Variants in C12orf42 observed in about 807,000 individuals in gnomAD.
C12orf42 encodes uncharacterized protein C12orf42.
In C12orf42, 25 loss-of-function variants were observed where a neutral mutation model predicts 21.6. The ratio of observed to expected loss-of-function variants is 1.16; its 90% CI spans 0.84 to 1.62. The LOEUF is 1.62. C12orf42 is among the 40% of genes most tolerant of loss of function. C12orf42 has a pLI of 0.00. For synonymous variants in C12orf42, 174 were observed against 175.0 expected (o/e 0.99, Z 0.05); for missense variants, 483 against 459.3 (o/e 1.05, Z -0.47).
intron 2 of C12orf42, among the ~76,000 whole-genome samples, chr12:103,411,718 C>T (rs868434552): frequency 1.1e-4 from 16 of 152,280 alleles, no homozygotes; most frequent in Middle Eastern, 3.4e-3. Context: ...TCTATTTGTG[C>T]GTTGATCTTG....
At chr12:103,317,076 C>T (rs1229462773) in intron 4 of C12orf42, among the ~76,000 whole-genome samples, 1 of 152,160 alleles carries the variant, frequency 6.6e-6, no homozygotes, top group Non-Finnish European at 1.5e-5. Context: ...AATACCAGTG[C>T]CCCAAAATTG....
At chr12:103,524,508 G>T in the C12orf42 span, among the ~76,000 whole-genome samples, 3 of 152,156 alleles carry the variant, frequency 2.0e-5, no homozygotes, top group African/African-American at 7.2e-5. Context: ...GCTAAACCCT[G>T]GGCAAGTCCT....
chr12:103,251,570 T>C (rs1365141595), intron 10 of C12orf42, among the ~76,000 whole-genome samples: 1 of 152,150 alleles, frequency 6.6e-6, no homozygotes, highest in Non-Finnish European at 1.5e-5. Flanking sequence ...ATACGTTCTG[T>C]AGAAAGGACA....
chr12:103,150,318 C>A, the C12orf42 span, among the ~76,000 whole-genome samples: 1 of 152,144 alleles, frequency 6.6e-6, no homozygotes, highest in South Asian at 2.1e-4. Flanking sequence ...GCAGAAACAG[C>A]TATGTGTAAG....
intron 2 of C12orf42, among the ~76,000 whole-genome samples, chr12:103,426,560 T>G (rs1202086770): frequency 6.6e-6 from 1 of 152,138 alleles, no homozygotes; most frequent in Non-Finnish European, 1.5e-5. Flanking sequence ...CCAGAAGAAC[T>G]TCCCCAACCT....
chr12:103,116,976 T>C, the C12orf42 span, among the ~76,000 whole-genome samples: 1 of 152,210 alleles, frequency 6.6e-6, no homozygotes, highest in Non-Finnish European at 1.5e-5. Context: ...CATACATATA[T>C]AGTAATCAGA....
At chr12:103,410,854 C>A (rs558928295) in intron 2 of C12orf42, among the ~76,000 whole-genome samples, 2 of 152,156 alleles carry the variant, frequency 1.3e-5, no homozygotes, top group South Asian at 4.2e-4. Flanking sequence ...ATAAGGAAAG[C>A]GGGAAGAGAA....
At chr12:103,336,041 G>A (rs1386853855) in intron 4 of C12orf42, among the ~76,000 whole-genome samples, 2 of 152,116 alleles carry the variant, frequency 1.3e-5, no homozygotes, top group African/African-American at 4.8e-5. Context: ...GGAATACAAT[G>A]CACAAACTTT....
chr12:103,536,134 T>C, the C12orf42 span, among the ~76,000 whole-genome samples: 1 of 152,082 alleles, frequency 6.6e-6, no homozygotes, highest in African/African-American at 2.4e-5. Flanking sequence ...GTTGGTTGGA[T>C]TGGAGGTGGT....
the C12orf42 span, among the ~76,000 whole-genome samples, chr12:103,089,619 C>CTGTGTGTGTGTGTGTGTGTG: frequency 1.0e-4 from 15 of 145,588 alleles, no homozygotes; most frequent in African/African-American, 3.0e-4. Flanking sequence ...GTGTGTGTGT[C>CTGTGTGTGTGTGTGTGTGTG]TGTGTGTGTG....
At chr12:103,364,010 C>T (rs552462480) in intron 4 of C12orf42, among the ~76,000 whole-genome samples, 1 of 152,206 alleles carries the variant, frequency 6.6e-6, no homozygotes, top group African/African-American at 2.4e-5. Context: ...CAGATATTTA[C>T]AGAACATTCT....
At chr12:103,125,287 T>A in the C12orf42 span, among the ~76,000 whole-genome samples, 2 of 152,024 alleles carry the variant, frequency 1.3e-5, no homozygotes, top group East Asian at 3.9e-4. Flanking sequence ...AAACTCCAAC[T>A]TGAAAATAAT....
At chr12:103,256,361 G>C (rs2034619445) in intron 10 of C12orf42, among the ~76,000 whole-genome samples, 1 of 151,170 alleles carries the variant, frequency 6.6e-6, no homozygotes, top group South Asian at 2.1e-4. Context: ...CAAAAGTCTA[G>C]GAGCAATGTT....
At chr12:103,287,766 A>AT (rs2036566031) in intron 4 of C12orf42, among the ~76,000 whole-genome samples, 1 of 151,926 alleles carries the variant, frequency 6.6e-6, no homozygotes, top group Non-Finnish European at 1.5e-5. Context: ...AAAATCAGAA[A>AT]TTCTAAACCT....
At chr12:103,181,823 T>C in the C12orf42 span, among the ~76,000 whole-genome samples, 1 of 152,224 alleles carries the variant, frequency 6.6e-6, no homozygotes, top group Non-Finnish European at 1.5e-5. Context: ...CCTCTACCCC[T>C]ACCCTGTCTC....
At chr12:103,499,541 C>G (rs149198237), upstream of C12orf42, among the ~76,000 whole-genome samples, 26 of 152,176 alleles carry the variant, frequency 1.7e-4, no homozygotes, top group Non-Finnish European at 2.4e-4. Context: ...GAAGATGGCA[C>G]ACTGGCTTGG....
the C12orf42 span, among the ~76,000 whole-genome samples, chr12:103,106,183 A>C: frequency 6.6e-6 from 1 of 152,166 alleles, no homozygotes; most frequent in African/African-American, 2.4e-5. Flanking sequence ...AATAGAAGTC[A>C]GAAGATAATG....
the C12orf42 span, among the ~76,000 whole-genome samples, chr12:103,067,705 G>A: frequency 5.9e-5 from 9 of 152,200 alleles, no homozygotes; most frequent in Admixed American, 1.3e-4. Flanking sequence ...AGAGGTCTTC[G>A]TTCCAGAGGA....
At chr12:103,411,600 A>G (rs189373961) in intron 2 of C12orf42, among the ~76,000 whole-genome samples, 1 of 152,290 alleles carries the variant, frequency 6.6e-6, no homozygotes, top group Admixed American at 6.5e-5. Flanking sequence ...GAATAGGATT[A>G]GTTCCCTTAT....
Sources: allele counts gnomAD v4.1 joint callset (sites outside exome capture counted in the v4.1 genomes callset), GRCh38; gene constraint gnomAD v4.1.1; transcripts MANE v1.5; gene names NCBI Gene and HGNC (gene_info 2026-07-23, HGNC 2026-07-21).